The following DGKI variants were observed in gnomAD, a reference collection of about 807,000 sequenced individuals.
The protein encoded by DGKI is diacylglycerol kinase iota, also known as DAG kinase iota.
Under a neutral mutation model 147.5 loss-of-function variants are expected in DGKI, and 55 were observed. The observed-to-expected ratio is 0.37, with a 90% confidence interval of 0.30 to 0.47. The LOEUF (loss-of-function observed/expected upper bound fraction) is 0.47. Ranked by LOEUF, DGKI falls within the 20% of genes least tolerant of loss-of-function variation. The probability of loss-of-function intolerance (pLI) is 1.00; values close to 1 mark genes in which losing one functional copy is unlikely to be tolerated. For missense variants in DGKI, 1,007 were observed against 1,323.8 expected (o/e 0.76, Z 3.71); for synonymous variants, 469 against 477.1 (o/e 0.98, Z 0.22).
chr7:137,680,297 G>A (rs1004755774), intron 2 of DGKI, among the ~76,000 whole-genome samples: 5 of 152,206 alleles, frequency 3.3e-5, no homozygotes, highest in Admixed American at 6.5e-5. Flanking sequence ...AATGAAGTCT[G>A]TTGTTTAAGC....
At chr7:137,658,681 T>C (rs1822310447) in intron 3 of DGKI, among the ~76,000 whole-genome samples, 3 of 152,200 alleles carry the variant, frequency 2.0e-5, no homozygotes, top group African/African-American at 7.2e-5. Flanking sequence ...GGAAGGAAGA[T>C]GCGGAGAAAA....
intron 1 of DGKI, among the ~76,000 whole-genome samples, chr7:137,733,575 G>A (rs557413530): frequency 5.5e-4 from 83 of 152,020 alleles, no homozygotes; most frequent in South Asian, 2.3e-3. Context: ...TAACTATTGC[G>A]TATCAGCTAT....
intron 5 of DGKI, among the ~76,000 whole-genome samples, chr7:137,652,499 A>C (rs141644718): frequency 1.4e-3 from 216 of 152,218 alleles, no homozygotes; most frequent in African/African-American, 4.9e-3. Flanking sequence ...TAGTTTCCTA[A>C]ATAAAGCACC....
At chr7:137,554,784 C>T (rs895105210) in intron 19 of DGKI, among the ~76,000 whole-genome samples, 1 of 151,746 alleles carries the variant, frequency 6.6e-6, no homozygotes, top group Non-Finnish European at 1.5e-5. Context: ...GAACAAAGTA[C>T]CCGAAGGAAA....
intron 20 of DGKI, among the ~76,000 whole-genome samples, chr7:137,533,812 T>C (rs1216172437): frequency 6.6e-6 from 1 of 152,176 alleles, no homozygotes; most frequent in African/African-American, 2.4e-5. Flanking sequence ...ATTTATCTTT[T>C]TTCTTAATTT....
At chr7:137,428,802 A>G (rs967237815) in intron 28 of DGKI, among the ~76,000 whole-genome samples, 38 of 152,160 alleles carry the variant, frequency 2.5e-4, no homozygotes, top group African/African-American at 9.2e-4. Context: ...CCCAGTCACA[A>G]TTGCTTCAAA....
chr7:137,536,778 C>A (rs564612017), intron 20 of DGKI, among the ~76,000 whole-genome samples: 1 of 152,092 alleles, frequency 6.6e-6, no homozygotes, highest in South Asian at 2.1e-4. Flanking sequence ...AGGAGGAAGA[C>A]GCTCTGGCTA....
At chr7:137,743,835 T>G (rs1795247120) in intron 1 of DGKI, among the ~76,000 whole-genome samples, 1 of 151,680 alleles carries the variant, frequency 6.6e-6, no homozygotes, top group Admixed American at 6.6e-5. Flanking sequence ...TACAAAAAAT[T>G]AGCTGGGCGT....
intron 21 of DGKI, among the ~76,000 whole-genome samples, chr7:137,507,554 C>A (rs1816410879): frequency 6.6e-6 from 1 of 152,146 alleles, no homozygotes; most frequent in Non-Finnish European, 1.5e-5. Context: ...TGGTTTCTAT[C>A]TTCATTAATT....
At chr7:137,642,179 A>G (rs1821651976) in intron 6 of DGKI, among the ~76,000 whole-genome samples, 1 of 152,194 alleles carries the variant, frequency 6.6e-6, no homozygotes, top group Admixed American at 6.5e-5. Flanking sequence ...GACTCATTGT[A>G]AAGAGTTGGC....
intron 17 of DGKI, among the ~76,000 whole-genome samples, chr7:137,576,069 T>G (rs1264008980): frequency 6.9e-6 from 1 of 144,368 alleles, no homozygotes; most frequent in Non-Finnish European, 1.5e-5. Flanking sequence ...GACGGAGTGT[T>G]GCTCTGTCGC....
chr7:137,724,808 A>G (rs1207853937), intron 1 of DGKI, among the ~76,000 whole-genome samples: 1 of 152,208 alleles, frequency 6.6e-6, no homozygotes, highest in East Asian at 1.9e-4. Flanking sequence ...AGAGATGTAC[A>G]TTTGAACATC....
In DGKI at chr7:137,670,835, C is replaced by T. The variant is rs538374568; in HGVS notation, c.606+7722G>A. On this transcript the variant is annotated intron_variant, in intron 3 of 32. Coordinates refer to ENST00000614521, the MANE Select transcript of DGKI (RefSeq NM_001321708.2). ...GGTGCAGATCATGAGTCTGCTGTGC[C>T]AGACAACTGGCATTTGAGGCTGACA... Among the ~76,000 whole-genome samples, 74 of 152,316 alleles carry T rather than the reference C, an allele frequency of 4.9e-4. 1 individual carries two copies. The highest frequency in any genetic ancestry group is 1.7e-3 in the African/African-American group (72 of 41,560).
chr7:137,767,510 G>GAGAAGAGAAGAGAAA (rs1796051934), intron 1 of DGKI, among the ~76,000 whole-genome samples: 1 of 148,454 alleles, frequency 6.7e-6, no homozygotes, highest in Admixed American at 6.7e-5. Flanking sequence ...GAGAAGAGAA[G>GAGAAGAGAAGAGAAA]AGAAGAGAAG....
chr7:137,583,446 T>C (rs1020477073), intron 14 of DGKI, among the ~76,000 whole-genome samples: 1 of 152,206 alleles, frequency 6.6e-6, no homozygotes, highest in African/African-American at 2.4e-5. Flanking sequence ...GCCACAATTC[T>C]AACCCATGTC....
intron 1 of DGKI, among the ~76,000 whole-genome samples, chr7:137,691,876 T>C (rs1193143733): frequency 8.2e-5 from 12 of 145,496 alleles, no homozygotes. Flanking sequence ...AGGTCTTCAG[T>C]AGTTAGAAGC....
At chr7:137,745,485 T>A (rs1017582452) in intron 1 of DGKI, among the ~76,000 whole-genome samples, 2 of 152,232 alleles carry the variant, frequency 1.3e-5, no homozygotes, top group Non-Finnish European at 2.9e-5. Flanking sequence ...TCACTATGAC[T>A]AGCATGATAA....
At chr7:137,507,544 T>C (rs1293838087) in intron 21 of DGKI, among the ~76,000 whole-genome samples, 4 of 152,200 alleles carry the variant, frequency 2.6e-5, no homozygotes, top group Non-Finnish European at 5.9e-5. Flanking sequence ...GAGCAACTCA[T>C]GGTTTCTATC....
chr7:137,733,141 T>C (rs903527638), intron 1 of DGKI, among the ~76,000 whole-genome samples: 1 of 152,052 alleles, frequency 6.6e-6, no homozygotes, highest in Non-Finnish European at 1.5e-5. Flanking sequence ...TCTGTGGCAT[T>C]AACTACATTC....
Sources: gnomAD v4.1 joint callset for allele counts (sites outside exome capture counted in the v4.1 genomes callset) on GRCh38, gnomAD v4.1.1 for gene constraint, MANE v1.5 for transcripts, NCBI Gene and HGNC (gene_info 2026-07-23, HGNC 2026-07-21) for gene names.